CALN1: variants seen among roughly 807,000 people sequenced by gnomAD.
The protein encoded by CALN1 is calcium-binding protein 8.
Under a neutral mutation model 30.6 loss-of-function variants are expected in CALN1, and 17 were observed. The observed-to-expected ratio is 0.56, with a 90% CI of 0.38 to 0.83. The LOEUF is 0.83. Ranked by LOEUF, CALN1 falls within the 40% of genes least tolerant of loss-of-function variation. The pLI is 0.00. For missense variants in CALN1, 291 were observed against 354.9 expected, an observed-to-expected ratio of 0.82 and a Z score of 1.45; for synonymous variants, 156 against 131.4, an observed-to-expected ratio of 1.19 and a Z score of -1.28.
chr7:71,802,636 A>G (rs1787373751), intron 6 of CALN1, among the ~76,000 whole-genome samples: 1 of 152,082 alleles, frequency 6.6e-6, no homozygotes, highest in African/African-American at 2.4e-5. Context: ...CTAATTAAAA[A>G]ATTTTTCTTT....
At chr7:71,963,513 C>T (rs919546563) in intron 5 of CALN1, among the ~76,000 whole-genome samples, 1 of 151,882 alleles carries the variant, frequency 6.6e-6, no homozygotes, top group Admixed American at 6.6e-5. Flanking sequence ...CCATGTTGGC[C>T]AGGCTGGTCT....
intron 5 of CALN1, among the ~76,000 whole-genome samples, chr7:71,895,076 T>A (rs1215875020): frequency 6.6e-6 from 1 of 152,084 alleles, no homozygotes; most frequent in Non-Finnish European, 1.5e-5. Flanking sequence ...CATCTCAGCC[T>A]CCCCAGTAGC....
upstream of CALN1, among the ~76,000 whole-genome samples, chr7:72,414,225 G>A (rs1299868039): frequency 6.6e-6 from 1 of 152,126 alleles, no homozygotes; most frequent in East Asian, 1.9e-4. Context: ...GGGCCTCCTT[G>A]AGTCCTGGGG....
intron 3 of CALN1, among the ~76,000 whole-genome samples, chr7:72,134,193 G>C (rs1005365546): frequency 1.3e-5 from 2 of 152,198 alleles, no homozygotes; most frequent in Non-Finnish European, 2.9e-5. Context: ...CGCCATCTTG[G>C]AAGGAGAGAA....
intron 2 of CALN1, among the ~76,000 whole-genome samples, chr7:72,386,487 T>C (rs993028244): frequency 6.6e-6 from 1 of 152,200 alleles, no homozygotes; most frequent in African/African-American, 2.4e-5. Context: ...TTACTGTACA[T>C]GTAAACTAGA....
intron 1 of CALN1, among the ~76,000 whole-genome samples, chr7:72,406,621 T>TTTTTCTC (rs1554402607): frequency 3.2e-4 from 17 of 52,914 alleles, no homozygotes; most frequent in African/African-American, 3.2e-3. Context: ...TCAGCTTTTT[T>TTTTTCTC]TTTTTTCTTT....
chr7:72,192,977 C>T (rs1714845992), intron 3 of CALN1, among the ~76,000 whole-genome samples: 1 of 151,976 alleles, frequency 6.6e-6, no homozygotes, highest in South Asian at 2.1e-4. Context: ...CACTTGAGGT[C>T]AGGAGTTCGA....
At chr7:72,386,920 T>C (rs1412851445) in intron 2 of CALN1, among the ~76,000 whole-genome samples, 1 of 151,924 alleles carries the variant, frequency 6.6e-6, no homozygotes, top group African/African-American at 2.4e-5. Context: ...TGTACATACA[T>C]AGTTTAGTAT....
chr7:72,435,317 G>C (rs965061978), intron 1 of CALN1, among the ~76,000 whole-genome samples: 1 of 152,050 alleles, frequency 6.6e-6, no homozygotes, highest in African/African-American at 2.4e-5. Context: ...AAGAGACATA[G>C]GAAACAGGCC....
chr7:72,038,789 T>C (rs918461172), intron 4 of CALN1, among the ~76,000 whole-genome samples: 5 of 152,138 alleles, frequency 3.3e-5, no homozygotes, highest in African/African-American at 1.2e-4. Context: ...TTTACAAATG[T>C]CATGGCAACA....
chr7:71,790,837 A>C (rs566266141), intron 6 of CALN1, among the ~76,000 whole-genome samples: 1 of 152,116 alleles, frequency 6.6e-6, no homozygotes, highest in African/African-American at 2.4e-5. Context: ...GTAGGCCCGG[A>C]GTAGGATGGA....
intron 5 of CALN1, among the ~76,000 whole-genome samples, chr7:71,831,694 T>C (rs1789284689): frequency 6.6e-6 from 1 of 150,910 alleles, no homozygotes; most frequent in Non-Finnish European, 1.5e-5. Flanking sequence ...GAGACCAGTC[T>C]AGGCAACATG....
chr7:71,947,439 T>C (rs1355871572), intron 5 of CALN1, among the ~76,000 whole-genome samples: 2 of 152,192 alleles, frequency 1.3e-5, no homozygotes, highest in Non-Finnish European at 2.9e-5. Context: ...AATGAAGATA[T>C]GATACTGATA....
chr7:72,459,348 A>G, the CALN1 span, among the ~76,000 whole-genome samples: 1 of 152,234 alleles, frequency 6.6e-6, no homozygotes, highest in African/African-American at 2.4e-5. Flanking sequence ...AGTCTGTCCA[A>G]TAAGTAAATA....
chr7:71,833,867 T>A (rs1461469442), intron 5 of CALN1, among the ~76,000 whole-genome samples: 1 of 152,074 alleles, frequency 6.6e-6, no homozygotes, highest in Non-Finnish European at 1.5e-5. Flanking sequence ...ATGATTGTGC[T>A]ACTGTACCCT....
chr7:72,166,821 T>A (rs1443251783), intron 3 of CALN1, among the ~76,000 whole-genome samples: 1 of 152,034 alleles, frequency 6.6e-6, no homozygotes, highest in East Asian at 1.9e-4. Flanking sequence ...GGTGGGTGGA[T>A]CATTTGAGGC....
intron 3 of CALN1, among the ~76,000 whole-genome samples, chr7:72,248,505 CTCTT>C (rs1425874778): frequency 6.6e-6 from 1 of 152,150 alleles, no homozygotes; most frequent in Non-Finnish European, 1.5e-5. Flanking sequence ...ATCTCTCTCT[CTCTT>C]TCTCCTTCTT....
intron 5 of CALN1, among the ~76,000 whole-genome samples, chr7:71,909,762 G>A (rs945440976): frequency 6.6e-6 from 1 of 152,148 alleles, no homozygotes; most frequent in African/African-American, 2.4e-5. Context: ...CTGTCCAAAG[G>A]GGATGCATTT....
chr7:72,394,840 T>C (rs943657823), intron 2 of CALN1, among the ~76,000 whole-genome samples: 12 of 152,072 alleles, frequency 7.9e-5, no homozygotes, highest in Non-Finnish European at 1.5e-4. Flanking sequence ...TATTTTTTTG[T>C]AGAGATGGAC....
Sources: allele counts gnomAD v4.1 joint callset (sites outside exome capture counted in the v4.1 genomes callset), GRCh38; gene constraint gnomAD v4.1.1; transcripts MANE v1.5; gene names NCBI Gene and HGNC (gene_info 2026-07-23, HGNC 2026-07-21).